Variants in CADPS2 observed in about 807,000 individuals in gnomAD.
CADPS2 encodes the protein calcium dependent secretion activator 2.
CADPS2 carries 93 observed loss-of-function variants against 172.5 expected under a neutral mutation model. The ratio of observed to expected loss-of-function variants is 0.54; its 90% CI spans 0.46 to 0.64. The LOEUF (loss-of-function observed/expected upper bound fraction) is 0.64, where lower values mean the gene tolerates loss of function less well. CADPS2 is among the 30% of genes least tolerant of loss of function. The pLI is 0.00. For synonymous variants in CADPS2, 546 were observed against 555.2 expected (o/e 0.98, Z 0.23); for missense variants, 1,420 against 1,565.9 (o/e 0.91, Z 1.57).
intron 7 of CADPS2, among the ~76,000 whole-genome samples, chr7:122,572,219 C>T (rs1033134072): frequency 1.3e-5 from 2 of 152,250 alleles, no homozygotes; most frequent in Middle Eastern, 3.4e-3. Context: ...AATTCTTTTG[C>T]ATCCTATGTA....
rs145690748 is a variant in CADPS2 at position 122,540,932 on chromosome 7, C to T, written c.1475+13618G>A. On this transcript the variant is annotated intron_variant, in intron 8 of 29. Transcript: ENST00000449022. ...TTTTAATTAAGAAATAATTTTTAAC[C>T]CATTTATTCATAATATGACTTTTAC... Among the ~76,000 whole-genome samples the T allele has an allele frequency of 9.3e-3, 1,406 of 151,912 alleles. 11 individuals carry two copies. The highest frequency in any genetic ancestry group is 0.013 in the Non-Finnish European group (910 of 67,944).
intron 2 of CADPS2, among the ~76,000 whole-genome samples, chr7:122,734,440 G>C (rs1420669188): frequency 7.7e-6 from 1 of 129,552 alleles, no homozygotes; most frequent in Non-Finnish European, 1.6e-5. Flanking sequence ...CTTACAATAT[G>C]TAACACTGGA....
intron 2 of CADPS2, among the ~76,000 whole-genome samples, chr7:122,680,735 T>TA (rs1297216084): frequency 1.3e-5 from 2 of 151,884 alleles, no homozygotes; most frequent in Non-Finnish European, 2.9e-5. Context: ...ATAAAACATC[T>TA]AAAAAACTAG....
chr7:122,738,854 A>C (rs1418960122), intron 1 of CADPS2, among the ~76,000 whole-genome samples: 1 of 49,864 alleles, frequency 2.0e-5, no homozygotes, highest in Non-Finnish European at 5.2e-5. Context: ...CCAGGGGGGG[A>C]AAAAAAAAAA....
At chr7:122,614,270 T>C (rs777949082) in intron 6 of CADPS2, among the ~76,000 whole-genome samples, 1 of 152,006 alleles carries the variant, frequency 6.6e-6, no homozygotes, top group Non-Finnish European at 1.5e-5. Context: ...ACTTGTTTCT[T>C]TTCAACCCCC....
At chr7:122,389,845 T>C (rs550186442) in intron 22 of CADPS2, among the ~76,000 whole-genome samples, 1 of 151,964 alleles carries the variant, frequency 6.6e-6, no homozygotes, top group Non-Finnish European at 1.5e-5. Flanking sequence ...GGAAAATACC[T>C]ATGTAACAAA....
intron 3 of CADPS2, among the ~76,000 whole-genome samples, chr7:122,646,499 G>T (rs1023430438): frequency 6.6e-6 from 1 of 151,962 alleles, no homozygotes; most frequent in Non-Finnish European, 1.5e-5. Context: ...ATTTTTCATG[G>T]GTCATGAAGA....
chr7:122,592,237 A>G (rs1178558234), intron 6 of CADPS2, among the ~76,000 whole-genome samples: 1 of 152,298 alleles, frequency 6.6e-6, no homozygotes, highest in African/African-American at 2.4e-5. Flanking sequence ...ACATGAAAAA[A>G]TGCTCATCAT....
chr7:122,559,584 A>G (rs907752739), intron 7 of CADPS2, among the ~76,000 whole-genome samples: 3 of 152,022 alleles, frequency 2.0e-5, no homozygotes, highest in African/African-American at 7.2e-5. Context: ...AGCCTGACCA[A>G]CATAGTGAAA....
chr7:122,579,475 A>ATATATATATATATATATATATATG (rs2068518997), intron 7 of CADPS2, among the ~76,000 whole-genome samples: 1 of 137,824 alleles, frequency 7.3e-6, no homozygotes, highest in Admixed American at 7.2e-5. Flanking sequence ...ATATATATAT[A>ATATATATATATATATATATATATG]TATATGTCAC....
At chr7:122,676,405 C>T (rs187282995) in intron 2 of CADPS2, among the ~76,000 whole-genome samples, 152 of 152,260 alleles carry the variant, frequency 1.0e-3, no homozygotes, top group African/African-American at 3.5e-3. Flanking sequence ...AAAACAAGAG[C>T]CAAATGTTTG....
intron 1 of CADPS2, among the ~76,000 whole-genome samples, chr7:122,834,026 A>G (rs1475069277): frequency 6.6e-6 from 1 of 152,146 alleles, no homozygotes; most frequent in African/African-American, 2.4e-5. Context: ...TGGGTGGAAA[A>G]AAAGACGGAC....
At chr7:122,450,406 CTGTTTT>C (rs951777436) in intron 15 of CADPS2, among the ~76,000 whole-genome samples, 10 of 149,840 alleles carry the variant, frequency 6.7e-5, no homozygotes, top group African/African-American at 2.2e-4. Context: ...TAGCATATTT[CTGTTTT>C]TAATTATTAA....
At chr7:122,608,229 A>G (rs1003387646) in intron 6 of CADPS2, among the ~76,000 whole-genome samples, 1 of 150,336 alleles carries the variant, frequency 6.7e-6, no homozygotes, top group African/African-American at 2.5e-5. Context: ...AAAAAAAAAG[A>G]AGGCACAGTT....
chr7:122,543,313 G>A (rs2063291909), intron 8 of CADPS2, among the ~76,000 whole-genome samples: 1 of 151,932 alleles, frequency 6.6e-6, no homozygotes, highest in Admixed American at 6.6e-5. Context: ...TATGCTATTT[G>A]GTTAACAGCT....
At chr7:122,605,986 C>T (rs184339678) in intron 6 of CADPS2, among the ~76,000 whole-genome samples, 1 of 152,112 alleles carries the variant, frequency 6.6e-6, no homozygotes, top group East Asian at 1.9e-4. Flanking sequence ...TTAAATGTCC[C>T]CAAACCACAC....
intron 11 of CADPS2, among the ~76,000 whole-genome samples, chr7:122,483,894 T>G (rs1172033269): frequency 6.6e-6 from 1 of 152,114 alleles, no homozygotes; most frequent in Non-Finnish European, 1.5e-5. Flanking sequence ...GAAATAAATC[T>G]GACAAAAGAT....
At chr7:122,759,825 T>C (rs2093314259) in intron 1 of CADPS2, among the ~76,000 whole-genome samples, 2 of 152,132 alleles carry the variant, frequency 1.3e-5, no homozygotes, top group African/African-American at 4.8e-5. Flanking sequence ...TCAAATTATA[T>C]GGTAAATGTC....
At chr7:122,322,755 G>A (rs41513151) in intron 29 of CADPS2, among the ~76,000 whole-genome samples, 32,091 of 151,954 alleles carry the variant, frequency 0.21, 3,880 homozygotes, top group East Asian at 0.44. Context: ...TTTTTTCTTA[G>A]TGTGCAACAT....
Sources: allele counts gnomAD v4.1 joint callset (sites outside exome capture counted in the v4.1 genomes callset), GRCh38; gene constraint gnomAD v4.1.1; transcripts MANE v1.5; gene names NCBI Gene and HGNC (gene_info 2026-07-23, HGNC 2026-07-21).